The following ICMT variants were observed in gnomAD, a reference collection of about 807,000 sequenced individuals.
ICMT encodes protein-S-isoprenylcysteine O-methyltransferase.
ICMT carries 10 observed loss-of-function variants against 32.2 expected under a neutral mutation model. The observed-to-expected ratio is 0.31, with a 90% CI of 0.19 to 0.53. The LOEUF (loss-of-function observed/expected upper bound fraction) is 0.53. Among genes scored for constraint, ICMT ranks in the 20% least tolerant of loss-of-function variants. The pLI is 0.96. For synonymous variants in ICMT, 183 were observed against 158.2 expected (o/e 1.16, Z -1.18); for missense variants, 265 against 356.9 (o/e 0.74, Z 2.07).
chr1:6,227,486 G>T (rs1454657896), intron 4 of ICMT, among the ~76,000 whole-genome samples: 1 of 152,194 alleles, frequency 6.6e-6, no homozygotes, highest in East Asian at 1.9e-4. Context: ...AACACTTCGT[G>T]AATTTTCCAA....
chr1:6,227,455 A>C (rs1668661790), intron 4 of ICMT, among the ~76,000 whole-genome samples: 1 of 152,236 alleles, frequency 6.6e-6, no homozygotes, highest in Admixed American at 6.5e-5. Flanking sequence ...GATTTGCCCA[A>C]AGACTTGGAG....
chr1:6,224,888 T>TG lies in ICMT; in HGVS notation c.*191_*192insC. 3 of 611,734 alleles carry TG rather than the reference T, an allele frequency of 4.9e-6. No individual in the cohort carries two copies. The highest frequency in any genetic ancestry group is 8.6e-6 in the Non-Finnish European group (3 of 347,730). The allele number at this position is 611,734 out of a possible 1,614,324, so 37.9% of individuals were successfully genotyped here. ...ACCCATGTTCCGCCTTGATTCGGCA[T>TG]AAGGACAGACTGCTCCAGTGGGGCC... On this transcript the variant is annotated 3_prime_UTR_variant, in exon 5 of 5. Coordinates refer to ENST00000343813, the MANE Select transcript of ICMT (RefSeq NM_012405.4).
Position 6,224,799 on chromosome 1 carries a change from C to G in ICMT, c.*281G>C. 7 of 364,322 alleles carry G rather than the reference C, an allele frequency of 1.9e-5. No individual in the cohort carries two copies. The highest frequency in any genetic ancestry group is 1.6e-4 in the South Asian group (3 of 19,238). The allele number at this position is 364,322 out of a possible 1,614,324, so 22.6% of individuals were successfully genotyped here. On this transcript the variant is annotated 3_prime_UTR_variant, in exon 5 of 5. Coordinates refer to ENST00000343813, the MANE Select transcript of ICMT (RefSeq NM_012405.4). ...GGGGCAGTGGCGTGTGGCCTCGGTC[C>G]TCCCCAGGTAACTCTGGAGGGCGCT... is the stretch of plus-strand genomic sequence containing the variant.
In ICMT at chr1:6,225,392, G is replaced by A. The variant is rs1275581700; in HGVS notation, c.673-130C>T. On this transcript the variant is annotated intron_variant, in intron 4 of 4. Transcript: ENST00000343813. Reference sequence around the variant, plus strand: ...CTGCTGAGACCGTCAGGGTCTCTGGGAGCAGTACTGTCACCTTAGCCCTGA... The same window carrying A: ...CTGCTGAGACCGTCAGGGTCTCTGGAAGCAGTACTGTCACCTTAGCCCTGA... 14 of 823,404 alleles carry A rather than the reference G, an allele frequency of 1.7e-5. No homozygotes were observed. In the South Asian group the frequency reaches 1.9e-4, roughly 11 times the overall value. The allele number at this position is 823,404 out of a possible 1,614,324, so 51.0% of individuals were successfully genotyped here. A position where few individuals can be genotyped will look rare whatever the true frequency, so the allele number is the denominator to read the frequency against.
intron 4 of ICMT, among the ~76,000 whole-genome samples, chr1:6,226,553 G>A (rs1557600943): frequency 3.9e-5 from 6 of 152,068 alleles, no homozygotes; most frequent in Admixed American, 2.6e-4. Flanking sequence ...TATGTTTTCT[G>A]AATATATATT....
chr1:6,234,808 G>A, intron 2 of ICMT, 78 bp downstream of exon 2: 1 of 1,065,786 alleles, frequency 9.4e-7, no homozygotes. Flanking sequence ...GATGAGACAG[G>A]GATGAGGAAA....
chr1:6,227,904 A>AT (rs1454113558), intron 4 of ICMT, among the ~76,000 whole-genome samples: 2 of 152,042 alleles, frequency 1.3e-5, no homozygotes, highest in African/African-American at 4.8e-5. Context: ...ATGGTGGATC[A>AT]TGCCTGTAAT....
intron 4 of ICMT, among the ~76,000 whole-genome samples, chr1:6,231,280 G>T (rs755667875): frequency 1.3e-5 from 2 of 151,982 alleles, no homozygotes; most frequent in Non-Finnish European, 2.9e-5. Context: ...ACATGGCCTC[G>T]GCCCCATTAA....
Position 6,231,052 on chromosome 1 carries a change from A to T in ICMT, c.672+850T>A, listed in dbSNP as rs184256730. On this transcript the variant is annotated intron_variant, in intron 4 of 4. Coordinates refer to ENST00000343813, the MANE Select transcript of ICMT (RefSeq NM_012405.4). Reference sequence around the variant, plus strand: ...CCTGTCTCTACAAAAAAAATACGAAAAGTAGTCAGGCATGGTGGTTCGTGC... The same window carrying T: ...CCTGTCTCTACAAAAAAAATACGAATAGTAGTCAGGCATGGTGGTTCGTGC... 4.9e-3 allele frequency among the ~76,000 whole-genome samples: 747 copies of T among 151,294 alleles called. 5 individuals carry two copies. The highest frequency in any genetic ancestry group is 0.01 in the Admixed American group (157 of 15,192).
chr1:6,228,365 T>C (rs904304469), intron 4 of ICMT, among the ~76,000 whole-genome samples: 1 of 151,142 alleles, frequency 6.6e-6, no homozygotes, highest in Non-Finnish European at 1.5e-5. Context: ...TTTTTTGAGA[T>C]GGAGTCTCGC....
At chr1:6,228,800 G>A (rs945425024) in intron 4 of ICMT, among the ~76,000 whole-genome samples, 1 of 151,966 alleles carries the variant, frequency 6.6e-6, no homozygotes, top group Non-Finnish European at 1.5e-5. Flanking sequence ...GCTGAAGCGG[G>A]TGGATCATCT....
chr1:6,234,759 C>T (rs1668791264), intron 2 of ICMT, 127 bp downstream of exon 2: 1 of 743,578 alleles, frequency 1.3e-6, no homozygotes, highest in Admixed American at 2.1e-5. Flanking sequence ...CAGGAGACTT[C>T]GTTTCCAGAG....
At chr1:6,235,639 G>A (rs1321017989) in intron 1 of ICMT, 78 bp downstream of exon 1, 2 of 995,822 alleles carry the variant, frequency 2.0e-6, no homozygotes, top group African/African-American at 1.7e-5. Context: ...CGGGCCCGGG[G>A]AGAAAGGTGC....
rs888742744 is a variant in ICMT at position 6,222,576 on chromosome 1, G to C, written c.*2504C>G. 2.6e-5 allele frequency: 4 copies of C among 152,254 alleles called. No individual in the cohort carries two copies. The highest frequency in any genetic ancestry group is 9.6e-5 in the African/African-American group (4 of 41,460). 9.4% of individuals were successfully genotyped at this position (152,254 alleles called of 1,614,324 possible). A position where few individuals can be genotyped will look rare whatever the true frequency, so the allele number is the denominator to read the frequency against. Reference sequence around the variant, plus strand: ...CAGAGTACGTCAAGTTTTCCCTGGTGTCAGACAGCATTTCACCATGAAACC... The same window carrying C: ...CAGAGTACGTCAAGTTTTCCCTGGTCTCAGACAGCATTTCACCATGAAACC... On this transcript the variant is annotated 3_prime_UTR_variant, in exon 5 of 5. Coordinates refer to ENST00000343813, the MANE Select transcript of ICMT (RefSeq NM_012405.4).
intron 2 of ICMT, 97 bp from the exon 3 acceptor site, chr1:6,233,740 G>T: frequency 1.0e-6 from 1 of 965,656 alleles, no homozygotes; most frequent in South Asian, 1.6e-5. Context: ...AAGTCTATGA[G>T]GCCCTGTTCT....
At chr1:6,226,172 G>A (rs1167187200) in intron 4 of ICMT, among the ~76,000 whole-genome samples, 1 of 152,166 alleles carries the variant, frequency 6.6e-6, no homozygotes, top group Non-Finnish European at 1.5e-5. Context: ...AAGGAGGGCA[G>A]ATCACCTGAG....
rs148244027 is a variant in ICMT, at chr1:6,225,092, C to T, written c.843G>A (p.Lys281=). The change falls in exon 5 of 5, where the codon AAG becomes AAA. Residue 281 remains lysine, a synonymous_variant. Transcript: ENST00000343813. ...GGGCCACTGCCCGTCACAGGTCCAC[C>T]TTGACCCCCTTTATGAAAGGCAGGC... is the stretch of plus-strand genomic sequence containing the variant. The part of the protein sequence containing the change: ...PTGLPFIKGV[K]VDL The T allele has an allele frequency of 1.9e-6, 3 of 1,613,202 alleles. No homozygotes were observed. The highest frequency in any genetic ancestry group is 2.5e-6 in the Non-Finnish European group (3 of 1,179,470).
Position 6,232,183 on chromosome 1 carries a change from A to G in ICMT, c.455-64T>C, listed in dbSNP as rs550065297. The G allele has an allele frequency of 1.2e-3, 1,391 of 1,201,750 alleles. 29 individuals carry two copies. The South Asian group carries it at 0.017, about 15-fold the overall frequency. 74.4% of individuals were successfully genotyped at this position (1,201,750 alleles called of 1,614,324 possible). A position where few individuals can be genotyped will look rare whatever the true frequency, so the allele number is the denominator to read the frequency against. On this transcript the variant is annotated intron_variant, in intron 3 of 4. Coordinates refer to ENST00000343813, the MANE Select transcript of ICMT (RefSeq NM_012405.4). The stretch of plus-strand genomic sequence containing the variant: ...AACACTGGCCTGAGCTCCCCTTCGC[A>G]CTGCTTAAAATTAACCTATTTTCCC...
At chr1:6,231,442 C>A (rs1225593432) in intron 4 of ICMT, among the ~76,000 whole-genome samples, 3 of 151,922 alleles carry the variant, frequency 2.0e-5, no homozygotes, top group Non-Finnish European at 4.4e-5. Context: ...CACAATGGCT[C>A]ATGCCTATAA....
Sources: allele counts gnomAD v4.1 joint callset (sites outside exome capture counted in the v4.1 genomes callset), GRCh38; gene constraint gnomAD v4.1.1; transcripts MANE v1.5; gene names NCBI Gene and HGNC (gene_info 2026-07-23, HGNC 2026-07-21).